Variants in PCDHGA1 observed in about 807,000 individuals in gnomAD.
PCDHGA1 encodes protocadherin gamma subfamily A, 1, also known as protocadherin gamma-A1.
A neutral mutation model predicts 58.0 loss-of-function variants in PCDHGA1; 32 were observed. The observed-to-expected ratio is 0.55, with a 90% CI of 0.42 to 0.74. The LOEUF is 0.74. Ranked by LOEUF, PCDHGA1 falls within the 30% of genes least tolerant of loss-of-function variation. The probability of loss-of-function intolerance (pLI) is 0.00; values close to 1 mark genes in which losing one functional copy is unlikely to be tolerated. For missense variants in PCDHGA1, 1,205 were observed against 1,182.3 expected, an observed-to-expected ratio of 1.02 and a Z score of -0.28; for synonymous variants, 498 against 501.1, an observed-to-expected ratio of 0.99 and a Z score of 0.08.
chr5:141,355,835 T>A (rs971104967), intron 1 of PCDHGA1: 1 of 1,612,476 alleles, frequency 6.2e-7, no homozygotes, highest in Non-Finnish European at 8.5e-7. Context: ...CACCTCGTTC[T>A]CACGGCCTTC....
chr5:141,413,371 C>T lies in PCDHGA1; in HGVS notation c.2421+80266C>T, dbSNP rs752898022. 3.7e-6 allele frequency: 6 copies of T among 1,613,966 alleles called. No individual in the cohort carries two copies. In the Admixed American group the frequency reaches 8.3e-5, roughly 22 times the overall value. On this transcript the variant is annotated intron_variant, in intron 1 of 3. Coordinates refer to ENST00000517417, the MANE Select transcript of PCDHGA1 (RefSeq NM_018912.3). ...TCTGGCGCCCCGGGAGCTGGCGGAG[C>T]GCGGAGTCCGCATAGTCTCCAGAGG...
chr5:141,458,390 C>T (rs2098944487), intron 1 of PCDHGA1, among the ~76,000 whole-genome samples: 1 of 152,058 alleles, frequency 6.6e-6, no homozygotes, highest in Non-Finnish European at 1.5e-5. Context: ...GAAGACGCTC[C>T]CCCTTGCAGA....
chr5:141,355,262 G>A lies in PCDHGA1; in HGVS notation c.2421+22157G>A, dbSNP rs374875511. ...CTGCTCCAGATCTGCCTTCTCCTGG[G>A]GGTTCTGGTGGAAATCAGGGCCGAA... On this transcript the variant is annotated intron_variant, in intron 1 of 3. Transcript: ENST00000517417. The A allele has an allele frequency of 3.7e-6, 6 of 1,613,470 alleles. No homozygotes were observed. The highest frequency in any genetic ancestry group is 5.1e-6 in the Non-Finnish European group (6 of 1,179,900).
intron 1 of PCDHGA1, chr5:141,340,990 C>T (rs770733671): frequency 5.7e-5 from 92 of 1,613,860 alleles, no homozygotes; most frequent in Non-Finnish European, 7.5e-5. Flanking sequence ...ACATCCTGGC[C>T]GACCTGGGCA....
At chr5:141,414,220 C>T in intron 1 of PCDHGA1, 1 of 1,613,094 alleles carries the variant, frequency 6.2e-7, no homozygotes, top group Non-Finnish European at 8.5e-7. Flanking sequence ...TGACAACAGT[C>T]CAGAGCTGAC....
chr5:141,372,194 C>A, intron 1 of PCDHGA1: 1 of 1,613,570 alleles, frequency 6.2e-7, no homozygotes, highest in Non-Finnish European at 8.5e-7. Flanking sequence ...ACTCGGGATA[C>A]AACGCCTGGC....
chr5:141,366,830 C>T, intron 1 of PCDHGA1: 1 of 1,521,896 alleles, frequency 6.6e-7, no homozygotes, highest in Non-Finnish European at 8.8e-7. Context: ...TATTCAGAAT[C>T]AGCTAGTTAT....
chr5:141,414,106 CTAGA>C, intron 1 of PCDHGA1: 1 of 1,592,656 alleles, frequency 6.3e-7, no homozygotes, highest in Non-Finnish European at 8.6e-7. Flanking sequence ...ATCAGAAAAT[CTAGA>C]TTATGAAGAA....
intron 1 of PCDHGA1, chr5:141,333,954 A>G (rs535696065): frequency 6.6e-6 from 1 of 152,236 alleles, no homozygotes; most frequent in East Asian, 1.9e-4. Context: ...TGACTTATAC[A>G]TTATACCTGT....
chr5:141,455,130 A>T (rs1446894125), intron 1 of PCDHGA1, among the ~76,000 whole-genome samples: 2 of 150,970 alleles, frequency 1.3e-5, no homozygotes, highest in African/African-American at 4.8e-5. Flanking sequence ...GTTTTAAATT[A>T]CACTGTGTTA....
chr5:141,423,597 G>C, intron 1 of PCDHGA1: 1 of 1,613,188 alleles, frequency 6.2e-7, no homozygotes, highest in Non-Finnish European at 8.5e-7. Context: ...AGAAAAGCGA[G>C]CCACTCTTGA....
At position 141,384,236 on chromosome 5, in the gene PCDHGA1, A is replaced by G. The variant is rs199759698; in HGVS notation, c.2421+51131A>G. On this transcript the variant is annotated intron_variant, in intron 1 of 3. Transcript: ENST00000517417. ...ATATTCATGCAGGTGGCAGACACCA[A>G]CGATAACCCACCCACCTTCCCCCAC... The G allele has an allele frequency of 1.1e-4, 176 of 1,613,768 alleles. No homozygotes were observed. The highest frequency in any genetic ancestry group is 1.5e-4 in the Non-Finnish European group (172 of 1,179,900).
intron 1 of PCDHGA1, chr5:141,364,524 G>A (rs773568307): frequency 3.1e-6 from 5 of 1,614,056 alleles, no homozygotes; most frequent in Middle Eastern, 1.7e-4. Context: ...CGCGGAGTCC[G>A]CATCGTCTCC....
Position 141,491,648 on chromosome 5 carries a change from T to A in PCDHGA1, c.2422-3159T>A. 6.2e-7 allele frequency: 1 copy of A among 1,613,834 alleles called. No individual in the cohort carries two copies. Among genetic ancestry groups the A allele is most frequent in the Non-Finnish European group, 8.5e-7 (1 of 1,180,002 alleles). ...GTTCAGCAGCCCACAGCTCTGGCGC[T>A]GGAGCCTGACGCCATCCGGTCCCGC... On this transcript the variant is annotated intron_variant, in intron 1 of 3. Transcript: ENST00000517417. This position sits in a 1 kb window ranked among gnomAD's most constrained non-coding sequence, Gnocchi z 6.9.
chr5:141,344,128 G>A lies in PCDHGA1; in HGVS notation c.2421+11023G>A, dbSNP rs747941691. 15 of 1,613,910 alleles carry A rather than the reference G, an allele frequency of 9.3e-6. No homozygotes were observed. In the South Asian group the frequency reaches 9.9e-5, roughly 11 times the overall value. On this transcript the variant is annotated intron_variant, in intron 1 of 3. Coordinates refer to ENST00000517417, the MANE Select transcript of PCDHGA1 (RefSeq NM_018912.3). ...TGCGAAACAGGATCCGGTCAGATCC[G>A]CTACTCGGTGTCTGAGGAGCTAGAT...
chr5:141,453,721 A>G (rs373983847), intron 1 of PCDHGA1, among the ~76,000 whole-genome samples: 4 of 152,244 alleles, frequency 2.6e-5, no homozygotes, highest in East Asian at 1.9e-4. Flanking sequence ...CTATAAAAAT[A>G]TTTGTTACTA....
chr5:141,407,425 CTT>C (rs1307911949), intron 1 of PCDHGA1, among the ~76,000 whole-genome samples: 3 of 151,864 alleles, frequency 2.0e-5, no homozygotes, highest in African/African-American at 4.8e-5. Context: ...AAAAATGTCT[CTT>C]GCCCTTAAAA....
chr5:141,376,635 T>C, intron 1 of PCDHGA1: 3 of 1,245,578 alleles, frequency 2.4e-6, no homozygotes, highest in Non-Finnish European at 3.3e-6. Flanking sequence ...AGATTCGTGA[T>C]TTTGTAAAGT....
At chr5:141,481,229 A>T (rs989963485) in intron 1 of PCDHGA1, among the ~76,000 whole-genome samples, 1 of 152,212 alleles carries the variant, frequency 6.6e-6, no homozygotes, top group Non-Finnish European at 1.5e-5. Flanking sequence ...TCCCAGCCTT[A>T]AAGTATTACA....
Sources: gnomAD v4.1 joint callset for allele counts (sites outside exome capture counted in the v4.1 genomes callset) on GRCh38, gnomAD v4.1.1 for gene constraint, Gnocchi (gnomAD v3.1) non-coding constraint, MANE v1.5 for transcripts, NCBI Gene and HGNC (gene_info 2026-07-23, HGNC 2026-07-21) for gene names.